Variants in ANK3 observed in about 807,000 individuals in gnomAD.
The protein encoded by ANK3 is ankyrin 3, also known as ankyrin-3.
ANK3 carries 57 observed loss-of-function variants against 370.9 expected under a neutral mutation model. The ratio of observed to expected loss-of-function variants is 0.15; its 90% CI spans 0.12 to 0.19. The LOEUF (loss-of-function observed/expected upper bound fraction) is 0.19. ANK3 is among the 10% of genes least tolerant of loss of function. The probability of loss-of-function intolerance (pLI) is 1.00; values close to 1 mark genes in which losing one functional copy is unlikely to be tolerated. For missense variants in ANK3, 4,439 were observed against 5,302.1 expected, an observed-to-expected ratio of 0.84 and a Z score of 5.06; for synonymous variants, 1,929 against 1,946.3, an observed-to-expected ratio of 0.99 and a Z score of 0.23.
At chr10:60,633,438 C>A (rs2078511410) in intron 1 of ANK3, among the ~76,000 whole-genome samples, 1 of 151,938 alleles carries the variant, frequency 6.6e-6, no homozygotes, top group South Asian at 2.1e-4. Context: ...TACAATGAAT[C>A]ATCATATAAG....
intron 2 of ANK3, among the ~76,000 whole-genome samples, chr10:60,529,741 G>GT (rs2076561087): frequency 6.6e-6 from 1 of 152,154 alleles, no homozygotes; most frequent in African/African-American, 2.4e-5. Context: ...TATATGAGAT[G>GT]TGACAATATA....
rs950102992 is a variant in ANK3, at chr10:60,029,319, T to G, written c.*527A>C. The G allele has an allele frequency of 1.3e-5, 2 of 152,662 alleles. No individual in the cohort carries two copies. Among genetic ancestry groups the G allele is most frequent in the Admixed American group, 1.3e-4 (2 of 15,282 alleles). The allele number at this position is 152,662 out of a possible 1,614,324, so 9.5% of individuals were successfully genotyped here. On this transcript the variant is annotated 3_prime_UTR_variant, in exon 44 of 44. Coordinates refer to ENST00000280772, the MANE Select transcript of ANK3 (RefSeq NM_020987.5). ...AGGCAGTGCCTTATCAACATTTTAT[T>G]CTATTTTTCTGTTAGAATTTATACA...
intron 17 of ANK3, among the ~76,000 whole-genome samples, chr10:60,183,344 T>C (rs2096248245): frequency 6.6e-6 from 1 of 152,216 alleles, no homozygotes; most frequent in Non-Finnish European, 1.5e-5. Flanking sequence ...GTCTAGCATC[T>C]AGCATTTAAT....
At chr10:60,224,846 T>C (rs10994259) in intron 8 of ANK3, among the ~76,000 whole-genome samples, 75,685 of 151,812 alleles carry the variant, frequency 0.5, 20,382 homozygotes, top group East Asian at 0.79. Flanking sequence ...TAGTGAAAGA[T>C]AAACTAAAGG....
At chr10:60,402,418 A>G (rs1436014465) in intron 2 of ANK3, among the ~76,000 whole-genome samples, 1 of 152,212 alleles carries the variant, frequency 6.6e-6, no homozygotes, top group Admixed American at 6.5e-5. Context: ...GTAACATTAG[A>G]CTACTTACAT....
At chr10:60,103,950 G>A (rs1230650579) in intron 28 of ANK3, among the ~76,000 whole-genome samples, 1 of 152,184 alleles carries the variant, frequency 6.6e-6, no homozygotes, top group East Asian at 1.9e-4. Context: ...CATGGATGGA[G>A]CTGGAGGCCA....
intron 24 of ANK3, among the ~76,000 whole-genome samples, chr10:60,136,450 C>T (rs1336827550): frequency 6.6e-6 from 1 of 151,952 alleles, no homozygotes; most frequent in East Asian, 1.9e-4. Flanking sequence ...CTGCATTAGA[C>T]ATTCATTTCT....
intron 30 of ANK3, among the ~76,000 whole-genome samples, chr10:60,086,148 A>G (rs2132020848): frequency 6.6e-6 from 1 of 152,338 alleles, no homozygotes; most frequent in Admixed American, 6.5e-5. Context: ...CCAGGTGCTT[A>G]TCACAAAATG....
At chr10:60,165,739 A>G (rs949231429) in intron 23 of ANK3, among the ~76,000 whole-genome samples, 4 of 152,232 alleles carry the variant, frequency 2.6e-5, no homozygotes, top group Non-Finnish European at 5.9e-5. Flanking sequence ...AAAGAAAGCT[A>G]CTACATGACA....
intron 2 of ANK3, among the ~76,000 whole-genome samples, chr10:60,541,141 TATA>T (rs1208267541): frequency 2.0e-5 from 3 of 151,836 alleles, no homozygotes; most frequent in Non-Finnish European, 4.4e-5. Flanking sequence ...GGAAAGAACA[TATA>T]ATATTATCTT....
At chr10:60,263,263 G>A (rs1011467040) in intron 6 of ANK3, among the ~76,000 whole-genome samples, 4 of 152,192 alleles carry the variant, frequency 2.6e-5, no homozygotes, top group African/African-American at 9.7e-5. Context: ...TGGAAGCTCT[G>A]ATGAAAGCAC....
intron 1 of ANK3, among the ~76,000 whole-genome samples, chr10:60,303,085 G>T (rs1199461607): frequency 6.6e-6 from 1 of 152,114 alleles, no homozygotes; most frequent in African/African-American, 2.4e-5. Flanking sequence ...TTAAATGTAA[G>T]ACCCCAAACC....
intron 40 of ANK3, chr10:60,062,826 C>A: frequency 4.4e-6 from 1 of 227,670 alleles, no homozygotes; most frequent in Non-Finnish European, 8.5e-6. Context: ...GCAATGCATT[C>A]TCTAGATATT....
intron 1 of ANK3, among the ~76,000 whole-genome samples, chr10:60,670,020 T>A (rs1487335864): frequency 2.0e-5 from 3 of 152,044 alleles, no homozygotes; most frequent in African/African-American, 4.8e-5. Flanking sequence ...TAACAGGGTC[T>A]CGCTATGTTG....
At position 60,069,053 on chromosome 10, in the gene ANK3, G is replaced by T. The variant is rs747884842; in HGVS notation, c.11828C>A (p.Ala3943Asp). The change falls in exon 37 of 44, where the codon GCC (alanine) becomes GAC (aspartate). Residue 3943 changes from alanine to aspartate, a missense_variant. Ala to Asp is a moderately radical substitution (Grantham distance 126). This residue lies in a region of ANK3 where 496 missense variants were observed against 529.3 expected (regional missense o/e 0.94). Coordinates refer to ENST00000280772, the MANE Select transcript of ANK3 (RefSeq NM_020987.5). ...QKQGQPEKGK[A>D]KQLPSKLPVK... ...TGGCAACTTGGATGGAAGCTGTTTG[G>T]CCTTGCCTTTCTCTGGCTGCCCTTG... 1.6e-5 allele frequency: 26 copies of T among 1,614,062 alleles called. No individual in the cohort carries two copies. The highest frequency in any genetic ancestry group is 1.7e-6 in the Non-Finnish European group (2 of 1,179,978).
intron 1 of ANK3, among the ~76,000 whole-genome samples, chr10:60,639,960 G>A (rs553424849): frequency 6.6e-6 from 1 of 152,040 alleles, no homozygotes; most frequent in South Asian, 2.1e-4. Flanking sequence ...TGCCTTCTAT[G>A]AGAAATCTGC....
intron 8 of ANK3, among the ~76,000 whole-genome samples, chr10:60,214,606 G>A (rs111617045): frequency 0.036 from 5,487 of 152,116 alleles, 312 homozygotes; most frequent in African/African-American, 0.12. Context: ...GTGAGAACAT[G>A]AGGTATTTGG....
At chr10:60,449,257 A>C (rs2064531766) in intron 2 of ANK3, among the ~76,000 whole-genome samples, 1 of 152,200 alleles carries the variant, frequency 6.6e-6, no homozygotes, top group African/African-American at 2.4e-5. Flanking sequence ...TATAAAAAAT[A>C]AATTTTATTA....
At chr10:60,380,063 T>C (rs951314044) in intron 1 of ANK3, among the ~76,000 whole-genome samples, 2 of 152,008 alleles carry the variant, frequency 1.3e-5, no homozygotes, top group Admixed American at 6.6e-5. Flanking sequence ...AATACAAACA[T>C]TGGGAATTAA....
Sources: gnomAD v4.1 joint callset for allele counts (sites outside exome capture counted in the v4.1 genomes callset) on GRCh38, gnomAD v4.1.1 for gene constraint, gnomAD v4.1.1 regional missense constraint, MANE v1.5 for transcripts, NCBI Gene and HGNC (gene_info 2026-07-23, HGNC 2026-07-21) for gene names.